Variants in CHN1 observed in about 807,000 individuals in gnomAD.
The protein encoded by CHN1 is chimerin 1.
In CHN1, 37 loss-of-function variants were observed where a neutral mutation model predicts 59.5. The ratio of observed to expected loss-of-function variants is 0.62; its 90% CI spans 0.48 to 0.82. The LOEUF (loss-of-function observed/expected upper bound fraction) is 0.82, where lower values mean the gene tolerates loss of function less well. Among genes scored for constraint, CHN1 ranks in the 40% least tolerant of loss-of-function variants. The probability of loss-of-function intolerance (pLI) is 0.00; values close to 1 mark genes in which losing one functional copy is unlikely to be tolerated. For synonymous variants in CHN1, 206 were observed against 200.4 expected (o/e 1.03, Z -0.24); for missense variants, 469 against 571.0 (o/e 0.82, Z 1.82).
intron 2 of CHN1, among the ~76,000 whole-genome samples, chr2:174,946,810 T>A (rs1689849743): frequency 6.8e-6 from 1 of 147,336 alleles, no homozygotes; most frequent in Admixed American, 7.0e-5. Flanking sequence ...ACACTTGTAA[T>A]CCCAGCACTT....
At chr2:174,985,461 C>A (rs1691308570) in intron 1 of CHN1, among the ~76,000 whole-genome samples, 1 of 152,080 alleles carries the variant, frequency 6.6e-6, no homozygotes, top group South Asian at 2.1e-4. Context: ...TATATTCCAA[C>A]TACATCATCT....
At chr2:174,952,061 T>C in intron 2 of CHN1, 103 bp downstream of exon 2, 1 of 724,882 alleles carries the variant, frequency 1.4e-6, no homozygotes, top group Non-Finnish European at 2.1e-6. Context: ...AATTAATTTT[T>C]CAACAATGGG....
intron 5 of CHN1, among the ~76,000 whole-genome samples, chr2:174,896,991 AAG>A (rs1688235697): frequency 2.0e-5 from 3 of 152,194 alleles, no homozygotes. Flanking sequence ...TTAAATGTGA[AAG>A]AGCACAGAGA....
chr2:174,917,563 C>T (rs531951840), intron 4 of CHN1, among the ~76,000 whole-genome samples: 1 of 151,834 alleles, frequency 6.6e-6, no homozygotes, highest in East Asian at 1.9e-4. Context: ...TTTCTAACCC[C>T]CAAGACCGCA....
At chr2:174,814,151 G>A (rs1350296344) in intron 8 of CHN1, among the ~76,000 whole-genome samples, 1 of 152,196 alleles carries the variant, frequency 6.6e-6, no homozygotes, top group African/African-American at 2.4e-5. Flanking sequence ...CATGTACAAA[G>A]ACAGGCTAGG....
chr2:174,875,971 T>C (rs2105471141), intron 6 of CHN1: 1 of 268,282 alleles, frequency 3.7e-6, no homozygotes, highest in Non-Finnish European at 5.7e-6. Flanking sequence ...GATTCTTAAT[T>C]ATGTACTGCC....
chr2:174,883,781 AC>A (rs1687809065), intron 5 of CHN1, among the ~76,000 whole-genome samples: 1 of 152,088 alleles, frequency 6.6e-6, no homozygotes, highest in African/African-American at 2.4e-5. Flanking sequence ...TAACCAAAAA[AC>A]ATTAGAATCC....
In CHN1 at chr2:175,005,309, C is replaced by T. The variant is rs766446776; in HGVS notation, c.-397G>A. 6 of 1,190,466 alleles carry T rather than the reference C, an allele frequency of 5.0e-6. No individual in the cohort carries two copies. In the South Asian group the frequency reaches 6.8e-5, roughly 13 times the overall value. The allele number at this position is 1,190,466 out of a possible 1,614,324, so 73.7% of individuals were successfully genotyped here. A position where few individuals can be genotyped will look rare whatever the true frequency, so the allele number is the denominator to read the frequency against. ...CGGGGAGAGCAGCAGCAGCCTCGCA[C>T]AGCCCCCGGCGGGGCGCGCTCACTC... On this transcript the variant is annotated 5_prime_UTR_variant, in exon 1 of 13. It adds an upstream start codon to the 5' untranslated region. Coordinates refer to ENST00000409900, the MANE Select transcript of CHN1 (RefSeq NM_001822.7).
chr2:174,944,668 T>C (rs1279186589), intron 3 of CHN1, among the ~76,000 whole-genome samples: 2 of 152,180 alleles, frequency 1.3e-5, no homozygotes, highest in African/African-American at 2.4e-5. Flanking sequence ...CTTAAAACTA[T>C]ATGGTCATAT....
chr2:174,973,476 C>T (rs1054801056), intron 1 of CHN1, among the ~76,000 whole-genome samples: 1 of 152,110 alleles, frequency 6.6e-6, no homozygotes, highest in African/African-American at 2.4e-5. Flanking sequence ...AAGCTAATGA[C>T]TGAAAGTAAG....
intron 5 of CHN1, among the ~76,000 whole-genome samples, chr2:174,880,419 C>A (rs1687698007): frequency 1.3e-5 from 2 of 152,178 alleles, no homozygotes; most frequent in African/African-American, 4.8e-5. Flanking sequence ...TCAAAGATTT[C>A]TCCACTTTCT....
At chr2:174,946,900 TAAAAAAAAAAA>T (rs34155510) in intron 2 of CHN1, among the ~76,000 whole-genome samples, 4 of 100,218 alleles carry the variant, frequency 4.0e-5, no homozygotes, top group East Asian at 3.0e-4. Flanking sequence ...CTAAAAAATG[TAAAAAAAAAAA>T]AAAAAAAAAA....
intron 7 of CHN1, among the ~76,000 whole-genome samples, chr2:174,840,692 A>G (rs1308231052): frequency 6.6e-6 from 1 of 152,154 alleles, no homozygotes; most frequent in East Asian, 1.9e-4. Context: ...ATTTTAGGTT[A>G]GAGAATACTG....
At chr2:174,893,229 T>C (rs1450668546) in intron 5 of CHN1, among the ~76,000 whole-genome samples, 2 of 151,996 alleles carry the variant, frequency 1.3e-5, no homozygotes, top group Non-Finnish European at 2.9e-5. Context: ...CCTTAAAGAC[T>C]CCACAAGAAA....
intron 8 of CHN1, chr2:174,821,720 G>C (rs544446095): frequency 5.0e-5 from 23 of 462,920 alleles, no homozygotes; most frequent in African/African-American, 4.4e-4. Context: ...AGCAGAGTTG[G>C]ACCCTTACCA....
chr2:174,811,372 T>TA (rs1277166207), intron 10 of CHN1, 139 bp downstream of exon 10: 9 of 562,336 alleles, frequency 1.6e-5, no homozygotes, highest in Non-Finnish European at 2.5e-5. Context: ...AAGAAGAAAT[T>TA]ATAAGCTAAG....
chr2:174,976,151 AAAAG>A, intron 1 of CHN1, among the ~76,000 whole-genome samples: 1 of 151,036 alleles, frequency 6.6e-6, no homozygotes, highest in African/African-American at 2.4e-5. Context: ...AAAAAAAAAA[AAAAG>A]GACTAAGATT....
chr2:174,961,188 G>C, intron 1 of CHN1, among the ~76,000 whole-genome samples: 1 of 83,494 alleles, frequency 1.2e-5, no homozygotes, highest in Non-Finnish European at 2.8e-5. Flanking sequence ...AGGAACAGAG[G>C]GAAGGGAGGG....
At chr2:174,962,996 T>C (rs1690466793) in intron 1 of CHN1, among the ~76,000 whole-genome samples, 1 of 152,330 alleles carries the variant, frequency 6.6e-6, no homozygotes, top group African/African-American at 2.4e-5. Flanking sequence ...TAAAATCTAT[T>C]AAAAGGTTTT....
Sources: allele counts gnomAD v4.1 joint callset (sites outside exome capture counted in the v4.1 genomes callset), GRCh38; gene constraint gnomAD v4.1.1; transcripts MANE v1.5; gene names NCBI Gene and HGNC (gene_info 2026-07-23, HGNC 2026-07-21).